Variants in DACH1 observed in about 807,000 individuals in gnomAD.
DACH1 encodes dachshund family transcription factor 1.
A neutral mutation model predicts 54.2 loss-of-function variants in DACH1; 12 were observed. The ratio of observed to expected loss-of-function variants is 0.22; its 90% CI spans 0.14 to 0.36. The LOEUF is 0.36. Among genes scored for constraint, DACH1 ranks in the 10% least tolerant of loss-of-function variants. The pLI is 1.00. For missense variants in DACH1, 805 were observed against 929.8 expected (o/e 0.87, Z 1.75); for synonymous variants, 386 against 366.2 (o/e 1.05, Z -0.62).
At chr13:71,859,689 T>A (rs1248858936) in intron 1 of DACH1, among the ~76,000 whole-genome samples, 1 of 151,888 alleles carries the variant, frequency 6.6e-6, no homozygotes. Context: ...AGTAATCTAA[T>A]AATAACTAAT....
At chr13:71,690,190 A>G (rs1434687196) in intron 1 of DACH1, among the ~76,000 whole-genome samples, 1 of 152,214 alleles carries the variant, frequency 6.6e-6, no homozygotes, top group Non-Finnish European at 1.5e-5. Context: ...ATACAGAGGA[A>G]TATTTTGTGA....
intron 6 of DACH1, among the ~76,000 whole-genome samples, chr13:71,552,792 A>C (rs1593880197): frequency 1.1e-4 from 2 of 17,666 alleles, no homozygotes; most frequent in African/African-American, 4.7e-4. Flanking sequence ...TATGGATGTG[A>C]ATATATATAT....
At chr13:71,634,061 C>T (rs114144382) in intron 2 of DACH1, among the ~76,000 whole-genome samples, 16 of 151,976 alleles carry the variant, frequency 1.1e-4, no homozygotes, top group African/African-American at 3.6e-4. Context: ...CAACCTCCGC[C>T]TCCAGGGTTC....
chr13:71,789,563 C>T (rs898890122), intron 1 of DACH1, among the ~76,000 whole-genome samples: 1 of 144,958 alleles, frequency 6.9e-6, no homozygotes, highest in African/African-American at 2.9e-5. Flanking sequence ...TTCACTATCA[C>T]CTTTTTCTAT....
At chr13:71,685,145 G>T (rs1476844642) in intron 1 of DACH1, among the ~76,000 whole-genome samples, 1 of 152,156 alleles carries the variant, frequency 6.6e-6, no homozygotes, top group Non-Finnish European at 1.5e-5. Context: ...TCTGGAAGTA[G>T]AAGTGAGGCT....
chr13:71,556,839 G>A (rs1175937070), intron 6 of DACH1, among the ~76,000 whole-genome samples, 185 bp downstream of exon 6: 3 of 151,722 alleles, frequency 2.0e-5, no homozygotes, highest in African/African-American at 7.3e-5. Context: ...AGTGCAGCAG[G>A]TCTTCATTCT....
At chr13:71,850,595 T>C (rs1873592976) in intron 1 of DACH1, among the ~76,000 whole-genome samples, 1 of 152,206 alleles carries the variant, frequency 6.6e-6, no homozygotes, top group Non-Finnish European at 1.5e-5. Flanking sequence ...CTATTAAAAG[T>C]TTAAAAACCA....
chr13:71,707,078 G>A (rs1317192251), intron 1 of DACH1, among the ~76,000 whole-genome samples: 1 of 152,152 alleles, frequency 6.6e-6, no homozygotes, highest in Non-Finnish European at 1.5e-5. Context: ...CTTCCTGTGA[G>A]GAAATTGACT....
intron 1 of DACH1, among the ~76,000 whole-genome samples, chr13:71,684,694 A>C (rs1881072324): frequency 6.6e-6 from 1 of 152,122 alleles, no homozygotes; most frequent in Non-Finnish European, 1.5e-5. Context: ...TTATCTCCCA[A>C]GGCTACTTGA....
chr13:71,701,558 G>T (rs1403403170), intron 1 of DACH1, among the ~76,000 whole-genome samples: 1 of 152,052 alleles, frequency 6.6e-6, no homozygotes, highest in Admixed American at 6.6e-5. Flanking sequence ...AAAGGAAATG[G>T]GAGATAGTGA....
At chr13:71,454,898 C>T (rs1250705944) in intron 10 of DACH1, among the ~76,000 whole-genome samples, 2 of 152,180 alleles carry the variant, frequency 1.3e-5, no homozygotes, top group East Asian at 3.9e-4. Flanking sequence ...TGTTGTGACA[C>T]TAATAGTCAT....
intron 2 of DACH1, among the ~76,000 whole-genome samples, chr13:71,645,641 G>T (rs746944485): frequency 6.6e-6 from 1 of 152,344 alleles, no homozygotes. Flanking sequence ...TTTATTAAAA[G>T]TGCAGACAGT....
intron 6 of DACH1, among the ~76,000 whole-genome samples, chr13:71,555,404 C>T (rs902069299): frequency 6.6e-6 from 1 of 151,570 alleles, no homozygotes; most frequent in Non-Finnish European, 1.5e-5. Flanking sequence ...AGTGCAGTGG[C>T]GCGATCTCGG....
chr13:71,783,067 A>G (rs1216318572), intron 1 of DACH1, among the ~76,000 whole-genome samples: 1 of 152,204 alleles, frequency 6.6e-6, no homozygotes, highest in Non-Finnish European at 1.5e-5. Context: ...ACAAAGATAA[A>G]GGCATTGCTT....
chr13:71,606,803 T>G (rs1874912635), intron 3 of DACH1, among the ~76,000 whole-genome samples: 1 of 152,052 alleles, frequency 6.6e-6, no homozygotes, highest in Admixed American at 6.6e-5. Context: ...TTCATTTTCA[T>G]TTATGAATTA....
intron 7 of DACH1, among the ~76,000 whole-genome samples, chr13:71,486,228 T>C (rs1566289221): frequency 6.6e-6 from 1 of 151,932 alleles, no homozygotes; most frequent in Non-Finnish European, 1.5e-5. Context: ...TTTAAAGGGT[T>C]TTTTGGTCAT....
chr13:71,664,732 C>A (rs1018537863), intron 2 of DACH1, among the ~76,000 whole-genome samples: 1 of 151,978 alleles, frequency 6.6e-6, no homozygotes, highest in Admixed American at 6.6e-5. Context: ...ATACTTTATA[C>A]AGCATGGTAG....
intron 10 of DACH1, among the ~76,000 whole-genome samples, chr13:71,459,754 T>G (rs1159104572): frequency 6.6e-6 from 1 of 151,994 alleles, no homozygotes; most frequent in Non-Finnish European, 1.5e-5. Flanking sequence ...CAAGATTTAT[T>G]ATTTTCAAGT....
intron 3 of DACH1, among the ~76,000 whole-genome samples, chr13:71,625,345 G>T (rs1333667914): frequency 6.6e-6 from 1 of 151,866 alleles, no homozygotes; most frequent in Admixed American, 6.6e-5. Context: ...CTTTCTCAAG[G>T]TCTCCAAGAG....
Sources: allele counts gnomAD v4.1 joint callset (sites outside exome capture counted in the v4.1 genomes callset), GRCh38; gene constraint gnomAD v4.1.1; transcripts MANE v1.5; gene names NCBI Gene and HGNC (gene_info 2026-07-23, HGNC 2026-07-21).